Variants in UQCRQ observed in about 807,000 individuals in gnomAD.
UQCRQ encodes ubiquinol-cytochrome c reductase complex III subunit VII, also known as cytochrome b-c1 complex subunit 8.
UQCRQ carries 9 observed loss-of-function variants against 7.9 expected under a neutral mutation model. The observed-to-expected ratio is 1.13, with a 90% confidence interval of 0.68 to 1.98. UQCRQ has a LOEUF of 1.98. UQCRQ is among the 30% of genes most tolerant of loss of function. UQCRQ has a pLI of 0.00. For synonymous variants in UQCRQ, 50 were observed against 41.9 expected, an observed-to-expected ratio of 1.19 and a Z score of -0.75; for missense variants, 112 against 109.7, an observed-to-expected ratio of 1.02 and a Z score of -0.10.
intron 2 of UQCRQ, 26 bp from the exon 3 acceptor site, chr5:132,867,462 T>C: frequency 6.3e-7 from 1 of 1,583,160 alleles, no homozygotes; most frequent in Non-Finnish European, 8.7e-7. Context: ...ATGTGTGCTC[T>C]CTGTTTACTC....
chr5:132,867,720 C>G lies in UQCRQ; in HGVS notation c.*138C>G. Reference sequence around the variant, plus strand: ...GATATTACATTTTTGTGAGTAGAATCCTGTGTGACCACTAATATTCAAGTT... The same window carrying G: ...GATATTACATTTTTGTGAGTAGAATGCTGTGTGACCACTAATATTCAAGTT... On this transcript the variant is annotated 3_prime_UTR_variant, in exon 3 of 3. Coordinates refer to ENST00000378670, the MANE Select transcript of UQCRQ (RefSeq NM_014402.5). 1 of 732,806 alleles carries G rather than the reference C, an allele frequency of 1.4e-6. No individual in the cohort carries two copies. The highest frequency in any genetic ancestry group is 1.5e-5 in the South Asian group (1 of 66,924). The allele number at this position is 732,806 out of a possible 1,614,324, so 45.4% of individuals were successfully genotyped here.
In UQCRQ at chr5:132,867,818, C is replaced by T. The variant is rs116229809; in HGVS notation, c.*236C>T. The T allele has an allele frequency of 3.2e-4, 171 of 535,054 alleles. No homozygotes were observed. The highest frequency in any genetic ancestry group is 5.1e-4 in the Non-Finnish European group (151 of 297,534). The allele number at this position is 535,054 out of a possible 1,614,324, so 33.1% of individuals were successfully genotyped here. On this transcript the variant is annotated 3_prime_UTR_variant, in exon 3 of 3. Transcript: ENST00000378670. ...CGGGTTTTGGTGAAAGAGCAGGGCT[C>T]CCCCTTTGTTCCATTATCTACAAGA...
In UQCRQ at chr5:132,867,739, T is replaced by A; in HGVS notation, c.*157T>A. On this transcript the variant is annotated 3_prime_UTR_variant, in exon 3 of 3. Coordinates refer to ENST00000378670, the MANE Select transcript of UQCRQ (RefSeq NM_014402.5). ...TAGAATCCTGTGTGACCACTAATATTCAAGTTCATGAAGCGCCCCTCCTCA... is the reference window on the plus strand; with the variant it reads ...TAGAATCCTGTGTGACCACTAATATACAAGTTCATGAAGCGCCCCTCCTCA... 1.4e-6 allele frequency: 1 copy of A among 694,512 alleles called. No homozygotes were observed. 43.0% of individuals were successfully genotyped at this position (694,512 alleles called of 1,614,324 possible).
rs1759702410 is a variant in UQCRQ at position 132,868,621 on chromosome 5, T to A, written c.*1039T>A. On this transcript the variant is annotated 3_prime_UTR_variant, in exon 3 of 3. Coordinates refer to ENST00000378670, the MANE Select transcript of UQCRQ (RefSeq NM_014402.5). ...TTCAAAGCCATCCTGGGCTGCTTGC[T>A]GCCCAGGACTGCGGTTGGACAAGCT... 6.6e-6 allele frequency among the ~76,000 whole-genome samples: 1 copy of A among 152,200 alleles called. No homozygotes were observed. The highest frequency in any genetic ancestry group is 1.5e-5 in the Non-Finnish European group (1 of 68,034).
rs753789308 is a variant in UQCRQ, at chr5:132,866,937, T to G, written c.56T>G (p.Leu19Trp). 3.7e-6 allele frequency: 6 copies of G among 1,614,104 alleles called. No homozygotes were observed. The highest frequency in any genetic ancestry group is 3.4e-6 in the Non-Finnish European group (4 of 1,179,968). Residue 19 changes from leucine to tryptophan, a missense_variant, in exon 2 of 3, where the codon TTG becomes TGG. Transcript: ENST00000378670. ...TRMRHVISYS[L>W]SPFEQRAYPH... The stretch of plus-strand genomic sequence containing the variant: ...ATGCGGCATGTGATCAGCTACAGCT[T>G]GTCACCGTTCGAGCAGCGCGCCTAT...
Position 132,867,025 on chromosome 5 carries a change from C to T in UQCRQ, c.144C>T (p.Arg48=), listed in dbSNP as rs527852085. The T allele has an allele frequency of 3.1e-5, 50 of 1,613,840 alleles. No homozygotes were observed. In the South Asian group the frequency reaches 5.5e-4, roughly 18 times the overall value. ...VLRRIRESFF[R]VVPQFVVFYL... The stretch of plus-strand genomic sequence containing the variant: ...GCCGCATTCGGGAGTCTTTCTTTCG[C>T]GTGGTGCCGCGTGAGTGCCTTGGGC... Residue 48 remains arginine (R), a synonymous_variant, in exon 2 of 3, where the codon CGC becomes CGT. Transcript: ENST00000378670.
At position 132,867,273 on chromosome 5, in the gene UQCRQ, G is replaced by A. The variant is rs941270525; in HGVS notation, c.155-215G>A. 3.0e-5 allele frequency: 21 copies of A among 705,718 alleles called. 1 individual carries two copies. The highest frequency in any genetic ancestry group is 1.6e-4 in the East Asian group (6 of 37,156). 43.7% of individuals were successfully genotyped at this position (705,718 alleles called of 1,614,324 possible). On this transcript the variant is annotated intron_variant, in intron 2 of 2. Transcript: ENST00000378670. ...GCCCAAGGTCACTCGGGTGATTCCA[G>A]CATGTTCCTCTGAGGTCACCTTTAT...
In UQCRQ at chr5:132,868,592, C is replaced by T. The variant is rs551228154; in HGVS notation, c.*1010C>T. 3.2e-4 allele frequency among the ~76,000 whole-genome samples: 48 copies of T among 152,194 alleles called. No individual in the cohort carries two copies. The highest frequency in any genetic ancestry group is 9.7e-4 in the East Asian group (5 of 5,160). The stretch of plus-strand genomic sequence containing the variant: ...GAAAGTTTACAAATTTTTGTTGGGT[C>T]GGATTCAAAGCCATCCTGGGCTGCT... On this transcript the variant is annotated 3_prime_UTR_variant, in exon 3 of 3. Coordinates refer to ENST00000378670, the MANE Select transcript of UQCRQ (RefSeq NM_014402.5).
intron 2 of UQCRQ, 34 bp from the exon 3 acceptor site, chr5:132,867,454 G>A (rs565854683): frequency 1.9e-6 from 3 of 1,544,520 alleles, no homozygotes; most frequent in Non-Finnish European, 2.7e-6. Flanking sequence ...TGTCTTATAT[G>A]TGTGCTCTCT....
chr5:132,867,645 A>C lies in UQCRQ; in HGVS notation c.*63A>C. On this transcript the variant is annotated 3_prime_UTR_variant, in exon 3 of 3. Coordinates refer to ENST00000378670, the MANE Select transcript of UQCRQ (RefSeq NM_014402.5). ...ACCTTTCTCTGGAAGAGGAGTCTGC[A>C]TTGTAGTGTCTCAAAGACACAATAA... The C allele has an allele frequency of 1.5e-6, 2 of 1,342,570 alleles. No homozygotes were observed. The highest frequency in any genetic ancestry group is 2.1e-6 in the Non-Finnish European group (2 of 940,204). 83.2% of individuals were successfully genotyped at this position (1,342,570 alleles called of 1,614,324 possible). A position where few individuals can be genotyped will look rare whatever the true frequency, so the allele number is the denominator to read the frequency against.
chr5:132,866,688 G>A lies in UQCRQ; in HGVS notation c.-14+1G>A. The A allele has an allele frequency of 1.5e-6, 1 of 664,864 alleles. No homozygotes were observed. Among genetic ancestry groups the A allele is most frequent in the South Asian group, 1.9e-5 (1 of 53,024 alleles). 41.2% of individuals were successfully genotyped at this position (664,864 alleles called of 1,614,324 possible). On this transcript the variant is annotated splice_donor_variant, in intron 1 of 2. Transcript: ENST00000378670. LOFTEE classifies it low-confidence loss of function (5UTR_SPLICE). ...GACTGTGGAGGGCGAGCTGAGCCCT[G>A]TGCGTGAGTGGGGTCTGGTTGTGCA...
Position 132,868,841 on chromosome 5 carries a change from A to T in UQCRQ, c.*1259A>T, listed in dbSNP as rs1759706448. 1.3e-5 allele frequency among the ~76,000 whole-genome samples: 2 copies of T among 152,062 alleles called. No individual in the cohort carries two copies. Among genetic ancestry groups the T allele is most frequent in the South Asian group, 4.1e-4 (2 of 4,822 alleles). ...CCTTTATGAATAAAGTTTACCCCTG[A>T]TCTAAAGCCTTTAAATTATCTTTTT... On this transcript the variant is annotated 3_prime_UTR_variant, in exon 3 of 3. Transcript: ENST00000378670.
In UQCRQ at chr5:132,866,744, C is replaced by T. The variant is rs1419514971; in HGVS notation, c.-14+57C>T. 12 of 1,271,966 alleles carry T rather than the reference C, an allele frequency of 9.4e-6. No homozygotes were observed. The East Asian group carries it at 2.8e-4, about 29-fold the overall frequency. The allele number at this position is 1,271,966 out of a possible 1,614,324, so 78.8% of individuals were successfully genotyped here. A position where few individuals can be genotyped will look rare whatever the true frequency, so the allele number is the denominator to read the frequency against. On this transcript the variant is annotated intron_variant, in intron 1 of 2. Coordinates refer to ENST00000378670, the MANE Select transcript of UQCRQ (RefSeq NM_014402.5). ...CGTGGACCCTGGGAGGCTAGGGGCGCCCCGCTGGGCTGGGAAAGGATAAGG... is the reference window on the plus strand; with the variant it reads ...CGTGGACCCTGGGAGGCTAGGGGCGTCCCGCTGGGCTGGGAAAGGATAAGG...
Position 132,867,052 on chromosome 5 carries a change from C to CGCGGGA in UQCRQ, c.154+25_154+30dup. 6.2e-7 allele frequency: 1 copy of CGCGGGA among 1,613,266 alleles called. No individual in the cohort carries two copies. Among genetic ancestry groups the CGCGGGA allele is most frequent in the South Asian group, 1.1e-5 (1 of 91,082 alleles). ...TGGTGCCGCGTGAGTGCCTTGGGCC[C>CGCGGGA]GCGGGAGCGGGAGGCTGGACCCCAG... On this transcript the variant is annotated intron_variant, in intron 2 of 2. Coordinates refer to ENST00000378670, the MANE Select transcript of UQCRQ (RefSeq NM_014402.5).
rs1453618668 is a variant in UQCRQ at position 132,867,524 on chromosome 5, C to G, written c.191C>G (p.Thr64Ser). 2 of 1,613,986 alleles carry G rather than the reference C, an allele frequency of 1.2e-6. No homozygotes were observed. The highest frequency in any genetic ancestry group is 2.2e-5 in the East Asian group (1 of 44,880). Residue 64 changes from threonine to serine, a missense_variant, in exon 3 of 3, where the codon ACT becomes AGT. Transcript: ENST00000378670. ...VVFYLIYTWGTEEFERSKRKN... is the reference protein window; with the variant it reads ...VVFYLIYTWGSEEFERSKRKN... The stretch of plus-strand genomic sequence containing the variant: ...TTTTATCTTATCTACACATGGGGGA[C>G]TGAAGAGTTCGAGAGATCCAAGAGG...
chr5:132,866,845 G>T lies in UQCRQ; in HGVS notation c.-13-24G>T, dbSNP rs775956423. 89 of 1,610,114 alleles carry T rather than the reference G, an allele frequency of 5.5e-5. No individual in the cohort carries two copies. The Middle Eastern group carries it at 8.8e-4, about 16-fold the overall frequency. ...GGCGCTTCGCGAAAGCGAGCCAAGC[G>T]CCTGTCCACCCTCGGTCCTGCAGGG... On this transcript the variant is annotated intron_variant, in intron 1 of 2. Coordinates refer to ENST00000378670, the MANE Select transcript of UQCRQ (RefSeq NM_014402.5).
chr5:132,866,833 A>T, intron 1 of UQCRQ, 36 bp from the exon 2 acceptor site: 1 of 1,607,554 alleles, frequency 6.2e-7, no homozygotes, highest in Non-Finnish European at 8.5e-7. Flanking sequence ...GCTTCGCGAA[A>T]GCGAGCCAAG....
rs533462672 is a variant in UQCRQ, at chr5:132,867,203, C to G, written c.154+168C>G. 3.1e-5 allele frequency: 29 copies of G among 936,168 alleles called. 1 individual carries two copies. The South Asian group carries it at 4.9e-4, about 16-fold the overall frequency. The allele number at this position is 936,168 out of a possible 1,614,324, so 58.0% of individuals were successfully genotyped here. A position where few individuals can be genotyped will look rare whatever the true frequency, so the allele number is the denominator to read the frequency against. The stretch of plus-strand genomic sequence containing the variant: ...CCCTTAAGCTGGTCATATTATCCTC[C>G]CCATCTTACACGGGGAAAACTGAGC... On this transcript the variant is annotated intron_variant, in intron 2 of 2. Transcript: ENST00000378670.
In UQCRQ at chr5:132,866,696, G is replaced by A. The variant is rs1759627805; in HGVS notation, c.-14+9G>A. On this transcript the variant is annotated intron_variant, in intron 1 of 2. Transcript: ENST00000378670. ...AGGGCGAGCTGAGCCCTGTGCGTGA[G>A]TGGGGTCTGGTTGTGCAGTGTTCGT... The A allele has an allele frequency of 1.2e-5, 8 of 686,448 alleles. 1 individual carries two copies. In the South Asian group the frequency reaches 1.5e-4, roughly 13 times the overall value. The allele number at this position is 686,448 out of a possible 1,614,324, so 42.5% of individuals were successfully genotyped here.
Sources: gnomAD v4.1 joint callset for allele counts (sites outside exome capture counted in the v4.1 genomes callset) on GRCh38, gnomAD v4.1.1 for gene constraint, MANE v1.5 for transcripts, NCBI Gene and HGNC (gene_info 2026-07-23, HGNC 2026-07-21) for gene names.